SOX5: variants seen among roughly 807,000 people sequenced by gnomAD.
SOX5 encodes SRY-box transcription factor 5.
SOX5 carries 9 observed loss-of-function variants against 92.0 expected under a neutral mutation model. The ratio of observed to expected loss-of-function variants is 0.10; its 90% CI spans 0.06 to 0.17. The LOEUF (loss-of-function observed/expected upper bound fraction) is 0.17, where lower values mean the gene tolerates loss of function less well. Among genes scored for constraint, SOX5 ranks in the 10% least tolerant of loss-of-function variants. The pLI, the probability that SOX5 is intolerant of heterozygous loss-of-function variation, is 1.00. For missense variants in SOX5, 642 were observed against 944.5 expected (o/e 0.68, Z 4.20); for synonymous variants, 344 against 336.3 (o/e 1.02, Z -0.25).
intron 3 of SOX5, among the ~76,000 whole-genome samples, chr12:23,809,079 A>G (rs1048696763): frequency 2.0e-5 from 3 of 152,170 alleles, no homozygotes; most frequent in African/African-American, 7.2e-5. Flanking sequence ...ATAATGAAAT[A>G]CAAATTTGGT....
At position 24,481,848 on chromosome 12, in the gene SOX5, T is replaced by C. The variant is rs565406887; in HGVS notation, c.-251+80481A>G. On this transcript the variant is annotated intron_variant, in intron 1 of 4. Coordinates refer to the SOX5 transcript ENST00000446891. ...TGTGCTCAAGGGTCTCAGTGAAGTC[T>C]GGCTCATCTGCTGGCATGGTACCTA... 2.0e-5 allele frequency among the ~76,000 whole-genome samples: 3 copies of C among 152,208 alleles called. No homozygotes were observed. In the South Asian group the frequency reaches 6.2e-4, roughly 32 times the overall value.
chr12:23,666,275 A>G (rs1419549726), intron 6 of SOX5, among the ~76,000 whole-genome samples: 1 of 152,030 alleles, frequency 6.6e-6, no homozygotes, highest in African/African-American at 2.4e-5. Flanking sequence ...CAACTGAAGG[A>G]CTCCTTAGAC....
At chr12:24,193,692 T>C (rs1956743694) in intron 4 of SOX5, among the ~76,000 whole-genome samples, 1 of 152,250 alleles carries the variant, frequency 6.6e-6, no homozygotes, top group South Asian at 2.1e-4. Flanking sequence ...AATCTATGTA[T>C]GCCCACTATC....
At chr12:24,213,329 GT>G (rs1958842210) in intron 4 of SOX5, 1 of 147,846 alleles carries the variant, frequency 6.8e-6, no homozygotes, top group Admixed American at 6.9e-5. Flanking sequence ...AAATGGTAAT[GT>G]AAATGTCCTG....
intron 2 of SOX5, among the ~76,000 whole-genome samples, chr12:24,309,212 C>G (rs1948928761): frequency 6.6e-6 from 1 of 152,180 alleles, no homozygotes; most frequent in African/African-American, 2.4e-5. Flanking sequence ...ATAGAAACAA[C>G]CGGCTTTTCA....
chr12:23,868,478 A>C (rs1294363716), intron 2 of SOX5, among the ~76,000 whole-genome samples: 1 of 152,138 alleles, frequency 6.6e-6, no homozygotes, highest in Non-Finnish European at 1.5e-5. Flanking sequence ...CTCTTCAGAA[A>C]ACCCACTCTT....
At chr12:24,011,880 C>T (rs1952982250) in intron 4 of SOX5, among the ~76,000 whole-genome samples, 1 of 151,890 alleles carries the variant, frequency 6.6e-6, no homozygotes, top group Non-Finnish European at 1.5e-5. Flanking sequence ...AATTGACTAA[C>T]AAGAGAAAAT....
intron 4 of SOX5, among the ~76,000 whole-genome samples, chr12:24,045,624 G>A (rs1026992917): frequency 2.0e-5 from 3 of 152,134 alleles, no homozygotes; most frequent in Non-Finnish European, 2.9e-5. Flanking sequence ...TAAAGACAGG[G>A]CCAATGAGAA....
At chr12:23,600,749 C>A (rs1173982594) in intron 9 of SOX5, among the ~76,000 whole-genome samples, 1 of 151,672 alleles carries the variant, frequency 6.6e-6, no homozygotes, top group African/African-American at 2.4e-5. Context: ...TTCACATTTA[C>A]AGAACACAAC....
chr12:23,721,598 T>G (rs2092818738), intron 6 of SOX5, among the ~76,000 whole-genome samples: 1 of 152,198 alleles, frequency 6.6e-6, no homozygotes, highest in African/African-American at 2.4e-5. Context: ...GTTCGCAGAA[T>G]GGCCTGAGTT....
At chr12:23,876,841 G>A (rs955928080) in intron 2 of SOX5, among the ~76,000 whole-genome samples, 31 of 152,164 alleles carry the variant, frequency 2.0e-4, no homozygotes, top group Admixed American at 1.4e-3. Flanking sequence ...CACGTCCTTT[G>A]CAGGGAAATG....
chr12:24,491,809 A>C (rs1429605723), intron 1 of SOX5, among the ~76,000 whole-genome samples: 1 of 152,198 alleles, frequency 6.6e-6, no homozygotes, highest in Non-Finnish European at 1.5e-5. Context: ...GGCAAAGGAA[A>C]ACACTTTATT....
intron 3 of SOX5, among the ~76,000 whole-genome samples, chr12:24,224,514 G>A (rs1461025664): frequency 6.6e-6 from 1 of 152,004 alleles, no homozygotes; most frequent in Non-Finnish European, 1.5e-5. Context: ...AAATAAGATA[G>A]CAAATGATTA....
intron 1 of SOX5, among the ~76,000 whole-genome samples, chr12:23,921,014 G>A (rs1938091698): frequency 6.6e-6 from 1 of 152,128 alleles, no homozygotes; most frequent in Non-Finnish European, 1.5e-5. Context: ...GGCTAACACA[G>A]TGTCTGATAC....
chr12:24,161,763 T>C (rs1952781646), intron 4 of SOX5, among the ~76,000 whole-genome samples: 1 of 152,040 alleles, frequency 6.6e-6, no homozygotes, highest in African/African-American at 2.4e-5. Flanking sequence ...ACACAGTTGT[T>C]AGTGAGGGTC....
chr12:24,021,002 CTT>C (rs950431789), intron 4 of SOX5, among the ~76,000 whole-genome samples: 22 of 152,200 alleles, frequency 1.4e-4, no homozygotes, highest in African/African-American at 4.8e-4. Flanking sequence ...AGCCTGCAGA[CTT>C]TGCTCCTTTT....
At chr12:24,334,551 G>A (rs1951681651) in intron 2 of SOX5, among the ~76,000 whole-genome samples, 1 of 152,116 alleles carries the variant, frequency 6.6e-6, no homozygotes, top group Non-Finnish European at 1.5e-5. Flanking sequence ...CCTGGCAAAG[G>A]GACAGTGAGC....
chr12:24,194,538 T>C (rs1182265041), intron 4 of SOX5, among the ~76,000 whole-genome samples: 2 of 152,210 alleles, frequency 1.3e-5, no homozygotes, highest in African/African-American at 4.8e-5. Flanking sequence ...ACAACATATC[T>C]ATATATTTAA....
At chr12:23,910,602 C>T (rs1380040549) in intron 1 of SOX5, among the ~76,000 whole-genome samples, 3 of 152,212 alleles carry the variant, frequency 2.0e-5, no homozygotes, top group East Asian at 1.9e-4. Flanking sequence ...CAAGAGCCAC[C>T]AGACCTATAT....
Sources: allele counts gnomAD v4.1 joint callset (sites outside exome capture counted in the v4.1 genomes callset), GRCh38; gene constraint gnomAD v4.1.1; transcripts MANE v1.5; gene names NCBI Gene and HGNC (gene_info 2026-07-23, HGNC 2026-07-21).